Variants in COLGALT2 observed in about 807,000 individuals in gnomAD.
The protein encoded by COLGALT2 is procollagen galactosyltransferase 2.
COLGALT2 carries 49 observed loss-of-function variants against 73.4 expected under a neutral mutation model. The ratio of observed to expected loss-of-function variants is 0.67; its 90% CI spans 0.53 to 0.85. The LOEUF (loss-of-function observed/expected upper bound fraction) is 0.85. Ranked by LOEUF, COLGALT2 falls within the 40% of genes least tolerant of loss-of-function variation. The probability of loss-of-function intolerance (pLI) is 0.00; values close to 1 mark genes in which losing one functional copy is unlikely to be tolerated. For synonymous variants in COLGALT2, 295 were observed against 307.6 expected (o/e 0.96, Z 0.43); for missense variants, 722 against 790.2 (o/e 0.91, Z 1.03).
chr1:183,936,774 C>T lies in COLGALT2; in HGVS notation c.*1987G>A, dbSNP rs1238190559. The T allele has an allele frequency of 8.1e-6, 10 of 1,231,384 alleles. No individual in the cohort carries two copies. The African/African-American group carries it at 1.4e-4, about 17-fold the overall frequency. The allele number at this position is 1,231,384 out of a possible 1,614,324, so 76.3% of individuals were successfully genotyped here. Reference sequence around the variant, plus strand: ...TGGGTGGGAAAGGAAGTCACACTGACAGCTAAGTCTAAGCGGCACAATTTA... The same window carrying T: ...TGGGTGGGAAAGGAAGTCACACTGATAGCTAAGTCTAAGCGGCACAATTTA... On this transcript the variant is annotated 3_prime_UTR_variant, in exon 12 of 12. Transcript: ENST00000361927.
chr1:183,977,533 C>T (rs959365803), intron 2 of COLGALT2, among the ~76,000 whole-genome samples: 15 of 151,728 alleles, frequency 9.9e-5, no homozygotes, highest in African/African-American at 3.6e-4. Context: ...CACCTGTAAT[C>T]CCAGCACTTT....
At chr1:183,944,119 G>C in intron 10 of COLGALT2, 77 bp downstream of exon 10, 1 of 1,457,156 alleles carries the variant, frequency 6.9e-7, no homozygotes, top group Non-Finnish European at 9.2e-7. Flanking sequence ...TACTGGCTGT[G>C]GAGGTGGGGC....
chr1:183,987,550 C>T (rs1383981250), intron 1 of COLGALT2, among the ~76,000 whole-genome samples: 1 of 152,230 alleles, frequency 6.6e-6, no homozygotes, highest in Non-Finnish European at 1.5e-5. Flanking sequence ...TTATAATTAA[C>T]TGGTTCTATT....
intron 1 of COLGALT2, among the ~76,000 whole-genome samples, chr1:183,983,711 G>A (rs574298069): frequency 6.6e-6 from 1 of 152,338 alleles, no homozygotes; most frequent in East Asian, 1.9e-4. Context: ...AACCCAGAAT[G>A]TGTGAGGCCC....
intron 6 of COLGALT2, among the ~76,000 whole-genome samples, chr1:183,961,117 C>T (rs1221346430): frequency 5.9e-5 from 9 of 152,148 alleles, no homozygotes; most frequent in African/African-American, 2.2e-4. Context: ...TTTCTTACTC[C>T]TATTGTGTTC....
At chr1:184,008,216 A>C (rs997700496) in intron 1 of COLGALT2, among the ~76,000 whole-genome samples, 1 of 152,232 alleles carries the variant, frequency 6.6e-6, no homozygotes, top group African/African-American at 2.4e-5. Flanking sequence ...TTGGAGAAGC[A>C]GTGGAATATT....
rs748221628 is a variant in COLGALT2 at position 183,951,076 on chromosome 1, C to T, written c.1067G>A (p.Arg356Gln). ...ATACAGTGTGCGCAGCATCCGGTCC[C>T]GCCTGTCCTTTCTGCGTTTGAGGTT... Reference protein sequence around the residue: ...MINLKRRKDRRDRMLRTLYEQ... With the variant: ...MINLKRRKDRQDRMLRTLYEQ... The change falls in exon 8 of 12, where the codon CGG becomes CAG. Residue 356 changes from arginine (R) to glutamine (Q), a missense_variant. Coordinates refer to ENST00000361927, the MANE Select transcript of COLGALT2 (RefSeq NM_015101.4). 23 of 1,613,680 alleles carry T rather than the reference C, an allele frequency of 1.4e-5. No homozygotes were observed. The highest frequency in any genetic ancestry group is 4.5e-5 in the East Asian group (2 of 44,894).
At chr1:184,034,177 A>C (rs958721083) in intron 1 of COLGALT2, among the ~76,000 whole-genome samples, 4 of 152,132 alleles carry the variant, frequency 2.6e-5, no homozygotes, top group Admixed American at 6.5e-5. Flanking sequence ...ACTTCCAAAG[A>C]GATTCTATGG....
chr1:183,988,968 T>C (rs1488670695), intron 1 of COLGALT2, among the ~76,000 whole-genome samples: 1 of 152,246 alleles, frequency 6.6e-6, no homozygotes, highest in Admixed American at 6.5e-5. Flanking sequence ...CGTATATAAC[T>C]TTAACATTTA....
intron 1 of COLGALT2, among the ~76,000 whole-genome samples, chr1:184,013,019 A>G (rs906561205): frequency 5.9e-5 from 9 of 152,340 alleles, no homozygotes; most frequent in Non-Finnish European, 1.2e-4. Flanking sequence ...AATAGTTATA[A>G]GAGTGTTAAG....
intron 1 of COLGALT2, among the ~76,000 whole-genome samples, chr1:184,023,276 G>A (rs1649229102): frequency 6.6e-6 from 1 of 152,200 alleles, no homozygotes; most frequent in African/African-American, 2.4e-5. Flanking sequence ...CTCCTAAAGT[G>A]TCAGCAAGGA....
chr1:184,024,157 A>G (rs1649258299), intron 1 of COLGALT2, among the ~76,000 whole-genome samples: 1 of 152,156 alleles, frequency 6.6e-6, no homozygotes, highest in African/African-American at 2.4e-5. Context: ...TGGCTAGAAA[A>G]GTCTTGAAAG....
In COLGALT2 at chr1:183,945,581, A is replaced by T. The variant is rs755511695; in HGVS notation, c.1137-17T>A. On this transcript the variant is annotated splice_polypyrimidine_tract_variant and intron_variant, in intron 8 of 11. Transcript: ENST00000361927. ...TTGAGTGCCCTGCATCACATAAAACACGTCTGGAGATTAACAAGTCAAAGG... is the reference window on the plus strand; with the variant it reads ...TTGAGTGCCCTGCATCACATAAAACTCGTCTGGAGATTAACAAGTCAAAGG... The T allele has an allele frequency of 1.2e-5, 20 of 1,613,110 alleles. No individual in the cohort carries two copies. Among genetic ancestry groups the T allele is most frequent in the Non-Finnish European group, 1.7e-5 (20 of 1,179,672 alleles).
chr1:183,982,033 A>C (rs1387826375), intron 1 of COLGALT2, among the ~76,000 whole-genome samples: 1 of 152,244 alleles, frequency 6.6e-6, no homozygotes, highest in Non-Finnish European at 1.5e-5. Flanking sequence ...ATTATCCAAT[A>C]ACTACAGATG....
chr1:183,936,980 G>T lies in COLGALT2; in HGVS notation c.*1781C>A. ...ATGAGGCTGCCTTGACTACCTATTT[G>T]GTGATGAGACAGCTTGGTGATCACT... is the stretch of plus-strand genomic sequence containing the variant. On this transcript the variant is annotated 3_prime_UTR_variant, in exon 12 of 12. Coordinates refer to ENST00000361927, the MANE Select transcript of COLGALT2 (RefSeq NM_015101.4). 4 of 1,231,750 alleles carry T rather than the reference G, an allele frequency of 3.2e-6. No homozygotes were observed. The highest frequency in any genetic ancestry group is 4.0e-6 in the Non-Finnish European group (4 of 987,974). The allele number at this position is 1,231,750 out of a possible 1,614,324, so 76.3% of individuals were successfully genotyped here. A position where few individuals can be genotyped will look rare whatever the true frequency, so the allele number is the denominator to read the frequency against.
chr1:183,933,122 A>C (rs1379885325), downstream of COLGALT2, among the ~76,000 whole-genome samples: 1 of 151,546 alleles, frequency 6.6e-6, no homozygotes, highest in Admixed American at 6.6e-5. Flanking sequence ...AAAGGATAAA[A>C]CTCTAAGGAC....
rs1481459626 is a variant in COLGALT2 at position 183,956,112 on chromosome 1, A to T, written c.953-1274T>A. 2.6e-5 allele frequency among the ~76,000 whole-genome samples: 4 copies of T among 152,238 alleles called. No individual in the cohort carries two copies. The East Asian group carries it at 7.7e-4, about 29-fold the overall frequency. On this transcript the variant is annotated intron_variant, in intron 6 of 11. Transcript: ENST00000361927. Reference sequence around the variant, plus strand: ...TGCTCTGCAGACTTGGATAGCAAGAAATAAGCCATTGTTGTATGAAGCCAA... The same window carrying T: ...TGCTCTGCAGACTTGGATAGCAAGATATAAGCCATTGTTGTATGAAGCCAA...
chr1:184,037,626 G>A lies in COLGALT2; in HGVS notation c.-269C>T. ...CTGCGCCTCGGGCTCGCAGACAGTA[G>A]TGGCCGAGGGGCTGTGTGCCCTGAG... is the stretch of plus-strand genomic sequence containing the variant. On this transcript the variant is annotated 5_prime_UTR_variant, in exon 1 of 12. Transcript: ENST00000361927. 9.4e-7 allele frequency: 1 copy of A among 1,058,654 alleles called. No homozygotes were observed. The highest frequency in any genetic ancestry group is 1.1e-6 in the Non-Finnish European group (1 of 878,430). 65.6% of individuals were successfully genotyped at this position (1,058,654 alleles called of 1,614,324 possible). A position where few individuals can be genotyped will look rare whatever the true frequency, so the allele number is the denominator to read the frequency against.
At chr1:183,963,517 A>G (rs950549692) in intron 6 of COLGALT2, among the ~76,000 whole-genome samples, 2 of 152,206 alleles carry the variant, frequency 1.3e-5, no homozygotes, top group Non-Finnish European at 2.9e-5. Flanking sequence ...GAATCTGCCC[A>G]AAAACCCTGG....
Sources: allele counts gnomAD v4.1 joint callset (sites outside exome capture counted in the v4.1 genomes callset), GRCh38; gene constraint gnomAD v4.1.1; transcripts MANE v1.5; gene names NCBI Gene and HGNC (gene_info 2026-07-23, HGNC 2026-07-21).